The following KIAA1217 variants were observed in gnomAD, a reference collection of about 807,000 sequenced individuals.
The protein encoded by KIAA1217 is KIAA1217, also known as sickle tail protein homolog.
Under a neutral mutation model 163.9 loss-of-function variants are expected in KIAA1217, and 88 were observed. The observed-to-expected ratio is 0.54, with a 90% CI of 0.45 to 0.64. The LOEUF (loss-of-function observed/expected upper bound fraction) is 0.64. Among genes scored for constraint, KIAA1217 ranks in the 30% least tolerant of loss-of-function variants. The pLI is 0.00. For missense variants in KIAA1217, 2,372 were observed against 2,475.0 expected (o/e 0.96, Z 0.88); for synonymous variants, 903 against 923.1 (o/e 0.98, Z 0.39).
chr10:23,997,605 T>C (rs1846545251), intron 1 of KIAA1217, among the ~76,000 whole-genome samples: 1 of 152,222 alleles, frequency 6.6e-6, no homozygotes, highest in Non-Finnish European at 1.5e-5. Flanking sequence ...TGAAACCTTC[T>C]CTACCATGAG....
chr10:23,865,650 C>T (rs1250383447), intron 1 of KIAA1217, among the ~76,000 whole-genome samples: 1 of 151,838 alleles, frequency 6.6e-6, no homozygotes, highest in Non-Finnish European at 1.5e-5. Flanking sequence ...CTTAAGAACT[C>T]TGTTTTGTTT....
At chr10:24,165,838 A>G (rs565789965) in intron 2 of KIAA1217, among the ~76,000 whole-genome samples, 1 of 152,344 alleles carries the variant, frequency 6.6e-6, no homozygotes, top group Admixed American at 6.5e-5. Flanking sequence ...GAAAAAAAGC[A>G]GTTTGCTGAA....
intron 9 of KIAA1217, 148 bp from the exon 10 acceptor site, chr10:24,513,111 T>C: frequency 1.3e-6 from 1 of 747,300 alleles, no homozygotes; most frequent in Admixed American, 2.7e-5. Context: ...TTATGTACAG[T>C]CTTTGCTCCC....
At position 23,834,649 on chromosome 10, in the gene KIAA1217, G is replaced by T. The variant is rs564196698; in HGVS notation, c.-321+139415G>T. ...GAAATCTTCATTAAAATGGCAAGGG[G>T]GCAGTGTGGCTGGAATGAAGAAAGG... On this transcript the variant is annotated intron_variant, in intron 1 of 18. Transcript: ENST00000376462. Among the ~76,000 whole-genome samples the T allele has an allele frequency of 4.6e-5, 7 of 152,226 alleles. No homozygotes were observed. The South Asian group carries it at 1.0e-3, about 23-fold the overall frequency.
chr10:23,781,235 G>A (rs547237876), intron 1 of KIAA1217, among the ~76,000 whole-genome samples: 4 of 152,210 alleles, frequency 2.6e-5, no homozygotes, highest in Non-Finnish European at 5.9e-5. Flanking sequence ...TACCAACAAT[G>A]TACAAGGTTT....
At chr10:24,097,022 C>T (rs952868108) in intron 2 of KIAA1217, among the ~76,000 whole-genome samples, 10 of 152,012 alleles carry the variant, frequency 6.6e-5, no homozygotes, top group Non-Finnish European at 1.5e-4. Context: ...ATATAGGTAA[C>T]GGTGGGCCAT....
At chr10:24,289,718 G>A (rs1175981361) in intron 2 of KIAA1217, among the ~76,000 whole-genome samples, 1 of 152,056 alleles carries the variant, frequency 6.6e-6, no homozygotes, top group Admixed American at 6.6e-5. Flanking sequence ...CCCTGGCAAG[G>A]GTAGGGACCT....
intron 13 of KIAA1217, among the ~76,000 whole-genome samples, chr10:24,527,319 G>C (rs375571414): frequency 6.1e-5 from 9 of 147,822 alleles, no homozygotes; most frequent in African/African-American, 2.2e-4. Context: ...AAAATTTTAG[G>C]CTGGGCATGG....
At chr10:24,391,371 G>GT (rs1268831794) in intron 3 of KIAA1217, among the ~76,000 whole-genome samples, 25 of 104,774 alleles carry the variant, frequency 2.4e-4, no homozygotes, top group Non-Finnish European at 4.2e-4. Context: ...GTGAGACGGA[G>GT]TTTTGCTCTT....
intron 3 of KIAA1217, among the ~76,000 whole-genome samples, chr10:24,407,598 C>A (rs187767228): frequency 3.9e-5 from 6 of 152,126 alleles, no homozygotes; most frequent in Admixed American, 3.9e-4. Context: ...TGAGCCCCCA[C>A]GCCCAGCCAA....
At chr10:24,154,080 C>G (rs1332412513) in intron 2 of KIAA1217, among the ~76,000 whole-genome samples, 5 of 150,718 alleles carry the variant, frequency 3.3e-5, no homozygotes, top group African/African-American at 1.2e-4. Context: ...GCCTCAGCCT[C>G]CCAAGTAGCT....
In KIAA1217 at chr10:24,228,628, G is replaced by A. The variant is rs147616173; in HGVS notation, c.354+8719G>A. ...GACAGAGCTGATGGGTTGTATACAC[G>A]CTCTTAAATATATTGGCCTGGAAGT... On this transcript the variant is annotated intron_variant, in intron 2 of 20. Transcript: ENST00000376454. Among the ~76,000 whole-genome samples, 214 of 152,070 alleles carry A rather than the reference G, an allele frequency of 1.4e-3. 3 individuals are homozygous for A. Among genetic ancestry groups the A allele is most frequent in the African/African-American group, 5.0e-3 (209 of 41,500 alleles).
chr10:23,844,891 C>T (rs1838947308), intron 1 of KIAA1217, among the ~76,000 whole-genome samples: 1 of 152,024 alleles, frequency 6.6e-6, no homozygotes, highest in Non-Finnish European at 1.5e-5. Context: ...CTCCCCTAGC[C>T]CCCCGCACCT....
chr10:23,784,424 C>T (rs1392574340), intron 1 of KIAA1217, among the ~76,000 whole-genome samples: 1 of 152,026 alleles, frequency 6.6e-6, no homozygotes, highest in East Asian at 1.9e-4. Flanking sequence ...GAATCTAATC[C>T]ATTTCTACTC....
intron 1 of KIAA1217, among the ~76,000 whole-genome samples, chr10:23,767,415 C>T (rs1178728968): frequency 6.6e-6 from 1 of 151,932 alleles, no homozygotes; most frequent in East Asian, 1.9e-4. Context: ...TTCTGGAGTC[C>T]CAACTAAGAA....
At position 24,366,708 on chromosome 10, in the gene KIAA1217, T is replaced by G. The variant is rs190488138; in HGVS notation, c.355-14161T>G. Among the ~76,000 whole-genome samples the G allele has an allele frequency of 1.5e-4, 23 of 152,318 alleles. No homozygotes were observed. The East Asian group carries it at 3.9e-3, about 26-fold the overall frequency. ...TTTCGTGGAGCAATCTAGTGGCCAGTGAGCCCGGGGCCAGTGACAATCAAG... is the reference window on the plus strand; with the variant it reads ...TTTCGTGGAGCAATCTAGTGGCCAGGGAGCCCGGGGCCAGTGACAATCAAG... On this transcript the variant is annotated intron_variant, in intron 2 of 20. Coordinates refer to ENST00000376454, the MANE Select transcript of KIAA1217 (RefSeq NM_019590.5).
intron 1 of KIAA1217, among the ~76,000 whole-genome samples, chr10:23,810,839 T>C (rs1378971362): frequency 8.1e-6 from 1 of 123,990 alleles, no homozygotes; most frequent in African/African-American, 3.2e-5. Context: ...CTATATATTA[T>C]ATGGTATATA....
chr10:23,777,367 G>C (rs1308874074), intron 1 of KIAA1217, among the ~76,000 whole-genome samples: 3 of 151,966 alleles, frequency 2.0e-5, no homozygotes, highest in Admixed American at 6.6e-5. Flanking sequence ...TTCCATCTTA[G>C]ACAATGCAAA....
intron 1 of KIAA1217, among the ~76,000 whole-genome samples, chr10:23,755,395 T>G (rs781012299): frequency 2.6e-5 from 4 of 152,232 alleles, no homozygotes; most frequent in Admixed American, 1.3e-4. Context: ...CACGCAGGCA[T>G]AATAATCTTG....
Sources: allele counts gnomAD v4.1 joint callset (sites outside exome capture counted in the v4.1 genomes callset), GRCh38; gene constraint gnomAD v4.1.1; transcripts MANE v1.5; gene names NCBI Gene and HGNC (gene_info 2026-07-23, HGNC 2026-07-21).